Variants in SHISA9 observed in about 807,000 individuals in gnomAD.
SHISA9 encodes shisa family member 9, also known as protein shisa-9.
In SHISA9, 13 loss-of-function variants were observed where a neutral mutation model predicts 38.0. That is an observed-to-expected ratio of 0.34 (90% CI 0.22 to 0.54). The LOEUF is 0.54. Ranked by LOEUF, SHISA9 falls within the 20% of genes least tolerant of loss-of-function variation. The pLI is 0.91. For missense variants in SHISA9, 538 were observed against 575.8 expected (o/e 0.93, Z 0.67); for synonymous variants, 275 against 242.0 (o/e 1.14, Z -1.27).
the SHISA9 span, among the ~76,000 whole-genome samples, chr16:13,380,701 T>C: frequency 6.6e-6 from 1 of 152,216 alleles, no homozygotes; most frequent in Non-Finnish European, 1.5e-5. Context: ...CTTTAAGTTC[T>C]GGGTTACATT....
intron 2 of SHISA9, among the ~76,000 whole-genome samples, chr16:13,144,720 CT>C (rs1480576301): frequency 4.6e-5 from 7 of 152,140 alleles, no homozygotes; most frequent in Non-Finnish European, 2.9e-5. Flanking sequence ...AACTGGACTT[CT>C]GTTGATTTTG....
the SHISA9 span, among the ~76,000 whole-genome samples, chr16:13,388,273 G>C: frequency 6.6e-6 from 1 of 151,942 alleles, no homozygotes; most frequent in Non-Finnish European, 1.5e-5. Flanking sequence ...TCTCAGAAGG[G>C]GGAAATAGTG....
At chr16:13,293,256 A>G in the SHISA9 span, among the ~76,000 whole-genome samples, 7 of 152,274 alleles carry the variant, frequency 4.6e-5, no homozygotes, top group East Asian at 9.7e-4. Flanking sequence ...GCAAACACAC[A>G]CACACACCCT....
chr16:13,297,167 AT>A, the SHISA9 span, among the ~76,000 whole-genome samples: 3 of 152,124 alleles, frequency 2.0e-5, no homozygotes, highest in Non-Finnish European at 4.4e-5. Context: ...GTTCAATAGC[AT>A]TTTAATCTAT....
chr16:13,284,362 C>A, the SHISA9 span, among the ~76,000 whole-genome samples: 136 of 152,216 alleles, frequency 8.9e-4, no homozygotes, highest in African/African-American at 3.1e-3. Flanking sequence ...TACCAGTTAC[C>A]CTTCCATGGA....
chr16:13,498,288 G>A, the SHISA9 span, among the ~76,000 whole-genome samples: 1 of 151,996 alleles, frequency 6.6e-6, no homozygotes, highest in African/African-American at 2.4e-5. Context: ...ACAAATAGAA[G>A]GAAAGCTTTA....
chr16:12,916,962 C>G, intron 2 of SHISA9, 147 bp downstream of exon 2: 1 of 951,796 alleles, frequency 1.1e-6, no homozygotes, highest in Non-Finnish European at 1.5e-6. Context: ...TTGGATGAAG[C>G]TGAATTTAGC....
At chr16:13,130,067 A>G (rs914062586) in intron 2 of SHISA9, among the ~76,000 whole-genome samples, 3 of 152,078 alleles carry the variant, frequency 2.0e-5, no homozygotes, top group African/African-American at 7.2e-5. Flanking sequence ...ATGTATTGAA[A>G]TTTCTTCCTC....
intron 2 of SHISA9, among the ~76,000 whole-genome samples, chr16:13,125,635 T>G (rs543126855): frequency 6.6e-6 from 1 of 152,340 alleles, no homozygotes; most frequent in South Asian, 2.1e-4. Flanking sequence ...CTATCCACTC[T>G]TGTAAAAATG....
chr16:13,322,543 G>A, the SHISA9 span, among the ~76,000 whole-genome samples: 2 of 152,200 alleles, frequency 1.3e-5, no homozygotes, highest in African/African-American at 4.8e-5. Context: ...GACTGTGTGA[G>A]TTTTGAAGGT....
intron 2 of SHISA9, among the ~76,000 whole-genome samples, chr16:12,940,317 G>C (rs1029519094): frequency 1.9e-4 from 29 of 152,144 alleles, no homozygotes; most frequent in African/African-American, 5.5e-4. Context: ...CCTTGCCTTT[G>C]CTGCACCCCA....
At chr16:13,424,266 G>A in the SHISA9 span, among the ~76,000 whole-genome samples, 1 of 152,176 alleles carries the variant, frequency 6.6e-6, no homozygotes, top group Non-Finnish European at 1.5e-5. Context: ...CATTGAGCTG[G>A]GCTCAAAAAG....
the SHISA9 span, among the ~76,000 whole-genome samples, chr16:13,287,843 A>G: frequency 6.6e-6 from 1 of 152,202 alleles, no homozygotes; most frequent in African/African-American, 2.4e-5. Flanking sequence ...GAGGCCTCCT[A>G]GAACTACTTA....
chr16:13,479,643 C>T, the SHISA9 span, among the ~76,000 whole-genome samples: 619 of 152,238 alleles, frequency 4.1e-3, 3 homozygotes, highest in African/African-American at 0.014. Context: ...ATGCTAATCA[C>T]GAGCTAGTTT....
chr16:13,302,860 C>T, the SHISA9 span, among the ~76,000 whole-genome samples: 1 of 152,094 alleles, frequency 6.6e-6, no homozygotes, highest in Admixed American at 6.5e-5. Flanking sequence ...TTCTCATGAT[C>T]GTGAGTGAGT....
the SHISA9 span, among the ~76,000 whole-genome samples, chr16:13,365,690 C>T: frequency 6.6e-6 from 1 of 152,064 alleles, no homozygotes; most frequent in South Asian, 2.1e-4. Context: ...AACTCCTGAC[C>T]TCAAGTGATC....
chr16:13,457,961 C>T, the SHISA9 span, among the ~76,000 whole-genome samples: 2 of 151,814 alleles, frequency 1.3e-5, no homozygotes, highest in Admixed American at 1.3e-4. Context: ...TCCTTCCTTC[C>T]TTTCTTCCTC....
intron 4 of SHISA9, among the ~76,000 whole-genome samples, chr16:13,232,162 A>T (rs1171129176): frequency 6.6e-6 from 1 of 152,226 alleles, no homozygotes; most frequent in Non-Finnish European, 1.5e-5. Context: ...CACATGTGTG[A>T]CACTGTGAGA....
At chr16:12,941,664 C>A (rs948045280) in intron 2 of SHISA9, among the ~76,000 whole-genome samples, 3 of 152,188 alleles carry the variant, frequency 2.0e-5, no homozygotes, top group Non-Finnish European at 2.9e-5. Context: ...ACCAGCCTGA[C>A]CAGCATGGTG....
Sources: gnomAD v4.1 joint callset for allele counts (sites outside exome capture counted in the v4.1 genomes callset) on GRCh38, gnomAD v4.1.1 for gene constraint, MANE v1.5 for transcripts, NCBI Gene and HGNC (gene_info 2026-07-23, HGNC 2026-07-21) for gene names.